GSK3B: variants seen among roughly 807,000 people sequenced by gnomAD.
The protein encoded by GSK3B is glycogen synthase kinase 3 beta, also known as glycogen synthase kinase-3 beta.
GSK3B carries 15 observed loss-of-function variants against 56.4 expected under a neutral mutation model. That is an observed-to-expected ratio of 0.27 (90% CI 0.18 to 0.41). GSK3B has a LOEUF of 0.41. GSK3B is among the 10% of genes least tolerant of loss of function. The probability of loss-of-function intolerance (pLI) is 1.00; values close to 1 mark genes in which losing one functional copy is unlikely to be tolerated. For synonymous variants in GSK3B, 181 were observed against 188.9 expected, an observed-to-expected ratio of 0.96 and a Z score of 0.34; for missense variants, 300 against 513.4, an observed-to-expected ratio of 0.58 and a Z score of 4.02.
intron 3 of GSK3B, among the ~76,000 whole-genome samples, chr3:119,939,309 G>C (rs1481361718): frequency 6.6e-6 from 1 of 152,138 alleles, no homozygotes; most frequent in Non-Finnish European, 1.5e-5. Context: ...GATGAGTCAA[G>C]TAAGGTCACG....
intron 9 of GSK3B, among the ~76,000 whole-genome samples, chr3:119,852,281 A>G (rs2055940739): frequency 6.6e-6 from 1 of 152,182 alleles, no homozygotes; most frequent in Non-Finnish European, 1.5e-5. Flanking sequence ...TGTTTTTAGA[A>G]GTTATCTAGC....
chr3:119,944,673 A>G (rs2057083012), intron 3 of GSK3B, among the ~76,000 whole-genome samples: 1 of 152,154 alleles, frequency 6.6e-6, no homozygotes, highest in African/African-American at 2.4e-5. Flanking sequence ...TTCTCCACCT[A>G]GAGCCACCAC....
chr3:120,046,694 T>C (rs1363984862), intron 1 of GSK3B, among the ~76,000 whole-genome samples: 1 of 152,186 alleles, frequency 6.6e-6, no homozygotes, highest in African/African-American at 2.4e-5. Flanking sequence ...CTGCAACCTC[T>C]GCCTCCTAGG....
intron 1 of GSK3B, among the ~76,000 whole-genome samples, chr3:120,030,928 T>C (rs990999541): frequency 6.6e-6 from 1 of 152,192 alleles, no homozygotes; most frequent in African/African-American, 2.4e-5. Flanking sequence ...AAAACCAAGA[T>C]CTGCCCAATC....
intron 4 of GSK3B, among the ~76,000 whole-genome samples, chr3:119,920,814 T>C (rs1448959277): frequency 6.6e-6 from 1 of 152,208 alleles, no homozygotes; most frequent in Non-Finnish European, 1.5e-5. Context: ...TATTTGAAAG[T>C]ATCAGTATGA....
At chr3:120,057,537 T>C (rs1240332947) in intron 1 of GSK3B, among the ~76,000 whole-genome samples, 1 of 152,218 alleles carries the variant, frequency 6.6e-6, no homozygotes, top group African/African-American at 2.4e-5. Context: ...TATTACAGCA[T>C]TCCATTGTAT....
At chr3:119,918,546 C>T (rs747716124) in intron 4 of GSK3B, among the ~76,000 whole-genome samples, 22 of 151,922 alleles carry the variant, frequency 1.4e-4, no homozygotes, top group Non-Finnish European at 2.9e-4. Flanking sequence ...ATGATTAATT[C>T]TTAGAAACTC....
intron 9 of GSK3B, among the ~76,000 whole-genome samples, chr3:119,848,575 C>G (rs535493862): frequency 2.1e-4 from 32 of 152,224 alleles, no homozygotes; most frequent in South Asian, 6.2e-4. Flanking sequence ...ACACCAAACT[C>G]GCAAGCAGTC....
intron 3 of GSK3B, among the ~76,000 whole-genome samples, chr3:119,927,401 T>C (rs189635796): frequency 2.0e-5 from 3 of 152,146 alleles, no homozygotes; most frequent in African/African-American, 7.2e-5. Context: ...AATCAGGGCA[T>C]AAGGCAATAG....
intron 2 of GSK3B, among the ~76,000 whole-genome samples, chr3:119,997,287 T>C (rs2057628493): frequency 6.6e-6 from 1 of 152,064 alleles, no homozygotes; most frequent in Non-Finnish European, 1.5e-5. Flanking sequence ...AAACAAGACA[T>C]ATTTACATGG....
chr3:119,848,113 C>G (rs2055880407), intron 9 of GSK3B, among the ~76,000 whole-genome samples: 1 of 152,190 alleles, frequency 6.6e-6, no homozygotes, highest in East Asian at 1.9e-4. Context: ...CTGTCTCTGT[C>G]AACTGTACTT....
chr3:119,823,236 G>A lies in GSK3B; in HGVS notation c.*3552C>T. The A allele has an allele frequency of 4.5e-6, 1 of 224,282 alleles. No individual in the cohort carries two copies. Among genetic ancestry groups the A allele is most frequent in the African/African-American group, 2.2e-5 (1 of 44,918 alleles). 13.9% of individuals were successfully genotyped at this position (224,282 alleles called of 1,614,324 possible). On this transcript the variant is annotated 3_prime_UTR_variant, in exon 11 of 11. Coordinates refer to ENST00000264235, the MANE Select transcript of GSK3B (RefSeq NM_001146156.2). ...CTTTCAAAAAAGGCCTTCGTGTTGG[G>A]CACACAGTAAGAATTAAACTGATTT...
At chr3:120,000,951 G>T (rs2057670874) in intron 2 of GSK3B, among the ~76,000 whole-genome samples, 1 of 115,154 alleles carries the variant, frequency 8.7e-6, no homozygotes, top group African/African-American at 3.5e-5. Context: ...TTGAGACAGA[G>T]TCTCACTCTG....
At chr3:120,044,552 T>C (rs1352504831) in intron 1 of GSK3B, among the ~76,000 whole-genome samples, 1 of 152,136 alleles carries the variant, frequency 6.6e-6, no homozygotes, top group Non-Finnish European at 1.5e-5. Flanking sequence ...CTTAAGTTTA[T>C]TTAGACGCAA....
At chr3:120,013,491 A>T (rs1348010227) in intron 1 of GSK3B, among the ~76,000 whole-genome samples, 1 of 152,240 alleles carries the variant, frequency 6.6e-6, no homozygotes, top group Admixed American at 6.5e-5. Context: ...TACTCTGGTG[A>T]CCTTGCTGTG....
intron 2 of GSK3B, among the ~76,000 whole-genome samples, chr3:119,970,937 G>A (rs760205422): frequency 2.0e-5 from 3 of 152,118 alleles, no homozygotes; most frequent in Non-Finnish European, 1.5e-5. Context: ...TCACTTCACT[G>A]TTTTGTAGAC....
intron 1 of GSK3B, among the ~76,000 whole-genome samples, chr3:120,051,694 G>C (rs1357956210): frequency 6.6e-6 from 1 of 151,146 alleles, no homozygotes; most frequent in East Asian, 1.9e-4. Flanking sequence ...TTGAACCCAA[G>C]AGGCGGAGGT....
At chr3:120,036,238 G>A (rs1003290183) in intron 1 of GSK3B, among the ~76,000 whole-genome samples, 4 of 152,070 alleles carry the variant, frequency 2.6e-5, no homozygotes, top group South Asian at 2.1e-4. Context: ...TCTCTAATGT[G>A]CTAAATGACT....
At chr3:120,076,597 C>T (rs868664398) in intron 1 of GSK3B, among the ~76,000 whole-genome samples, 9 of 151,780 alleles carry the variant, frequency 5.9e-5, no homozygotes, top group Admixed American at 3.3e-4. Context: ...GGGCGGATCA[C>T]GAGGTCAGGA....
Sources: allele counts gnomAD v4.1 joint callset (sites outside exome capture counted in the v4.1 genomes callset), GRCh38; gene constraint gnomAD v4.1.1; transcripts MANE v1.5; gene names NCBI Gene and HGNC (gene_info 2026-07-23, HGNC 2026-07-21).